The following ZMAT4 variants were observed in gnomAD, a reference collection of about 807,000 sequenced individuals.
The protein encoded by ZMAT4 is zinc finger matrin-type 4, also known as zinc finger matrin-type protein 4.
ZMAT4 carries 17 observed loss-of-function variants against 28.7 expected under a neutral mutation model. That is an observed-to-expected ratio of 0.59 (90% confidence interval 0.41 to 0.89). The LOEUF is 0.89. Among genes scored for constraint, ZMAT4 ranks in the 40% least tolerant of loss-of-function variants. ZMAT4 has a pLI of 0.00. For synonymous variants in ZMAT4, 117 were observed against 109.2 expected, an observed-to-expected ratio of 1.07 and a Z score of -0.44; for missense variants, 240 against 283.8, an observed-to-expected ratio of 0.85 and a Z score of 1.11.
chr8:40,895,294 C>T lies in ZMAT4; in HGVS notation c.-5+2389G>A, dbSNP rs535377698. Among the ~76,000 whole-genome samples the T allele has an allele frequency of 3.9e-5, 6 of 152,310 alleles. No individual in the cohort carries two copies. The South Asian group carries it at 1.2e-3, about 32-fold the overall frequency. On this transcript the variant is annotated intron_variant, in intron 1 of 6. Coordinates refer to ENST00000297737, the MANE Select transcript of ZMAT4 (RefSeq NM_024645.3). ...CACATTTAATTTCCTAGGCATTCAT[C>T]GGTCCTTGCATACACAAACAGGCAC...
At chr8:40,872,190 C>T (rs1167456479) in intron 1 of ZMAT4, among the ~76,000 whole-genome samples, 2 of 152,344 alleles carry the variant, frequency 1.3e-5, no homozygotes, top group East Asian at 1.9e-4. Flanking sequence ...CACAAGTGTA[C>T]ATAGTCACAC....
At chr8:40,820,823 GTA>G (rs1815767488) in intron 2 of ZMAT4, among the ~76,000 whole-genome samples, 8 of 20,966 alleles carry the variant, frequency 3.8e-4, no homozygotes, top group African/African-American at 1.4e-3. Flanking sequence ...GTGTGTATGT[GTA>G]TGTTTATGTG....
At chr8:40,688,594 C>A in intron 4 of ZMAT4, among the ~76,000 whole-genome samples, 1 of 152,052 alleles carries the variant, frequency 6.6e-6, no homozygotes. Flanking sequence ...TGATTAGAGC[C>A]ATAAACTACT....
At position 40,885,188 on chromosome 8, in the gene ZMAT4, G is replaced by T. The variant is rs867052995; in HGVS notation, c.-5+12495C>A. Among the ~76,000 whole-genome samples the T allele has an allele frequency of 3.9e-5, 6 of 152,080 alleles. No individual in the cohort carries two copies. The South Asian group carries it at 1.2e-3, about 32-fold the overall frequency. ...CTCCAGCAACCCCCAAAACAAACTCGTTTCCTCCCTCTCTACTCCTCACAA... is the reference window on the plus strand; with the variant it reads ...CTCCAGCAACCCCCAAAACAAACTCTTTTCCTCCCTCTCTACTCCTCACAA... On this transcript the variant is annotated intron_variant, in intron 1 of 6. Transcript: ENST00000297737.
intron 6 of ZMAT4, among the ~76,000 whole-genome samples, chr8:40,544,922 G>T (rs558672854): frequency 6.6e-6 from 1 of 152,150 alleles, no homozygotes; most frequent in African/African-American, 2.4e-5. Context: ...TGTAGGCTGG[G>T]TCTGATGACC....
intron 4 of ZMAT4, among the ~76,000 whole-genome samples, chr8:40,691,404 C>CAA (rs10581532): frequency 5.1e-5 from 7 of 137,744 alleles, no homozygotes; most frequent in South Asian, 2.3e-4. Flanking sequence ...AAATAGACTG[C>CAA]AAAAAAAAAA....
intron 6 of ZMAT4, among the ~76,000 whole-genome samples, chr8:40,576,841 C>G (rs992325275): frequency 5.3e-5 from 8 of 152,082 alleles, no homozygotes; most frequent in African/African-American, 1.9e-4. Context: ...ATATAACTAC[C>G]ATATGTTCCA....
chr8:40,801,048 G>A (rs1814809312), intron 2 of ZMAT4, among the ~76,000 whole-genome samples: 1 of 151,628 alleles, frequency 6.6e-6, no homozygotes, highest in African/African-American at 2.4e-5. Flanking sequence ...ATTACTACAG[G>A]TCTCATGAAC....
chr8:40,621,690 G>C (rs915577029), intron 5 of ZMAT4, among the ~76,000 whole-genome samples: 1 of 152,314 alleles, frequency 6.6e-6, no homozygotes, highest in African/African-American at 2.4e-5. Context: ...GGCTTTGAAG[G>C]TCGCTGGGAA....
intron 3 of ZMAT4, among the ~76,000 whole-genome samples, chr8:40,765,090 C>T (rs1813095371): frequency 6.6e-6 from 1 of 152,154 alleles, no homozygotes; most frequent in South Asian, 2.1e-4. Context: ...TGCCAGCATC[C>T]CAAAGTTCCG....
intron 1 of ZMAT4, among the ~76,000 whole-genome samples, chr8:40,880,677 A>C (rs1818190048): frequency 6.6e-6 from 1 of 152,210 alleles, no homozygotes; most frequent in Admixed American, 6.5e-5. Context: ...AGTAACTTGC[A>C]GAAGGCCAAA....
chr8:40,704,527 C>A (rs1810274059), intron 3 of ZMAT4, among the ~76,000 whole-genome samples: 1 of 152,194 alleles, frequency 6.6e-6, no homozygotes. Context: ...TGATTTGGTC[C>A]TGCCCTTTAA....
chr8:40,725,621 G>A (rs1001460150), intron 3 of ZMAT4, among the ~76,000 whole-genome samples: 2 of 151,986 alleles, frequency 1.3e-5, no homozygotes, highest in Non-Finnish European at 2.9e-5. Flanking sequence ...TTTCACTCTG[G>A]GGCTTATGTA....
At chr8:40,823,132 C>A (rs1586118407) in intron 2 of ZMAT4, among the ~76,000 whole-genome samples, 1 of 151,962 alleles carries the variant, frequency 6.6e-6, no homozygotes, top group East Asian at 1.9e-4. Flanking sequence ...TTTTCACACA[C>A]CCACCCCCTC....
chr8:40,647,233 T>C (rs996673511), intron 5 of ZMAT4, among the ~76,000 whole-genome samples: 3 of 152,102 alleles, frequency 2.0e-5, no homozygotes, highest in Non-Finnish European at 4.4e-5. Context: ...GTGCGTGAGC[T>C]GAAGCAGGGC....
chr8:40,548,020 A>G (rs982155652), intron 6 of ZMAT4, among the ~76,000 whole-genome samples: 2 of 152,186 alleles, frequency 1.3e-5, no homozygotes, highest in African/African-American at 4.8e-5. Flanking sequence ...AGCTGGCAGA[A>G]GGACTAGCAA....
At chr8:40,603,320 A>G (rs1406140645) in intron 5 of ZMAT4, among the ~76,000 whole-genome samples, 2 of 152,116 alleles carry the variant, frequency 1.3e-5, no homozygotes, top group Admixed American at 1.3e-4. Context: ...TGTTTTGGTG[A>G]CCATAGTCTT....
chr8:40,810,082 A>T, intron 2 of ZMAT4, among the ~76,000 whole-genome samples: 1 of 152,086 alleles, frequency 6.6e-6, no homozygotes. Flanking sequence ...ATATATACAC[A>T]CACATGCACA....
At chr8:40,810,103 C>T (rs1002977110) in intron 2 of ZMAT4, among the ~76,000 whole-genome samples, 6 of 152,080 alleles carry the variant, frequency 3.9e-5, no homozygotes, top group Admixed American at 3.9e-4. Context: ...AACATGCACA[C>T]ACATACATAT....
Sources: allele counts gnomAD v4.1 joint callset (sites outside exome capture counted in the v4.1 genomes callset), GRCh38; gene constraint gnomAD v4.1.1; transcripts MANE v1.5; gene names NCBI Gene and HGNC (gene_info 2026-07-23, HGNC 2026-07-21).